The following C8orf74 variants were observed in gnomAD, a reference collection of about 807,000 sequenced individuals.
C8orf74 encodes the protein chromosome 8 open reading frame 74.
A neutral mutation model predicts 22.2 loss-of-function variants in C8orf74; 29 were observed. The observed-to-expected ratio is 1.31, with a 90% CI of 0.97 to 1.78. The LOEUF (loss-of-function observed/expected upper bound fraction) is 1.78, where lower values mean the gene tolerates loss of function less well. C8orf74 is among the 40% of genes most tolerant of loss of function. C8orf74 has a pLI of 0.00. For missense variants in C8orf74, 515 were observed against 369.9 expected (o/e 1.39, Z -3.22); for synonymous variants, 255 against 163.1 (o/e 1.56, Z -4.30).
At chr8:10,675,780 T>A (rs1184882084) in intron 2 of C8orf74, 3 of 152,206 alleles carry the variant, frequency 2.0e-5, no homozygotes, top group African/African-American at 7.2e-5. Flanking sequence ...AGTAGGACCA[T>A]GGCTCAAAGT....
rs534946694 is a variant in C8orf74, at chr8:10,674,671, G to A, written c.74G>A (p.Arg25Gln). The stretch of plus-strand genomic sequence containing the variant: ...AGACCACAAGGTCGGGAGCGCCTGC[G>A]GAGGCTTCTGAACTGGGAGGAGTTT... The part of the protein sequence containing the change: ...LQRPQGRERL[R>Q]RLLNWEEFDE... The change falls in exon 2 of 4, where the codon CGG (arginine) becomes CAG (glutamine). Residue 25 changes from arginine to glutamine, a missense_variant. Transcript: ENST00000304519. 26 of 1,609,674 alleles carry A rather than the reference G, an allele frequency of 1.6e-5. No individual in the cohort carries two copies. The highest frequency in any genetic ancestry group is 2.2e-5 in the South Asian group (2 of 89,936).
At chr8:10,676,650 G>C (rs1032162181) in intron 2 of C8orf74, among the ~76,000 whole-genome samples, 1 of 152,150 alleles carries the variant, frequency 6.6e-6, no homozygotes, top group African/African-American at 2.4e-5. Context: ...CTAAAGGCTA[G>C]AGCGAGACAT....
chr8:10,681,169 G>T (rs1365847224), intron 2 of C8orf74, among the ~76,000 whole-genome samples: 1 of 152,054 alleles, frequency 6.6e-6, no homozygotes, highest in Non-Finnish European at 1.5e-5. Flanking sequence ...CTTGGCGCAG[G>T]GAGGGAAGGT....
At position 10,698,626 on chromosome 8, in the gene C8orf74, C is replaced by A. The variant is rs934258809; in HGVS notation, c.648+621C>A. ...ACCAGCTCTTCAATGACCATGACGA[C>A]CCCAGCCTCAGGGTAGCTGACTTCT... On this transcript the variant is annotated intron_variant, in intron 3 of 3. Transcript: ENST00000304519. 2.6e-4 allele frequency among the ~76,000 whole-genome samples: 40 copies of A among 152,122 alleles called. 1 individual carries two copies. The highest frequency in any genetic ancestry group is 3.9e-4 in the East Asian group (2 of 5,190).
chr8:10,696,395 C>T (rs1330449950), intron 2 of C8orf74, among the ~76,000 whole-genome samples: 2 of 151,686 alleles, frequency 1.3e-5, no homozygotes, highest in Non-Finnish European at 2.9e-5. Flanking sequence ...ATCAATCAAT[C>T]ACTGCCTGCT....
Position 10,697,917 on chromosome 8 carries a change from A to C in C8orf74, c.560A>C (p.Glu187Ala). The C allele has an allele frequency of 6.2e-6, 10 of 1,602,250 alleles. No homozygotes were observed. The highest frequency in any genetic ancestry group is 8.5e-6 in the Non-Finnish European group (10 of 1,174,370). The change falls in exon 3 of 4, where the codon GAG becomes GCG. Residue 187 changes from glutamate to alanine, a missense_variant. Transcript: ENST00000304519. ...QKRADVLLLKEALRLERENSL... is the reference protein window; with the variant it reads ...QKRADVLLLKAALRLERENSL... ...CGCGCCGACGTGCTGCTCCTGAAAG[A>C]GGCGCTGCGCCTGGAGCGGGAGAAC...
Position 10,700,523 on chromosome 8 carries a change from T to A in C8orf74, c.*52T>A. The A allele has an allele frequency of 1.6e-6, 2 of 1,228,774 alleles. No homozygotes were observed. The highest frequency in any genetic ancestry group is 2.2e-6 in the Non-Finnish European group (2 of 888,940). The allele number at this position is 1,228,774 out of a possible 1,614,324, so 76.1% of individuals were successfully genotyped here. On this transcript the variant is annotated 3_prime_UTR_variant, in exon 4 of 4. Transcript: ENST00000304519. ...ACTGGGGACCAGCCACCCATAACCA[T>A]GAGCCTTGCGGCACGGTGAGCTCAG...
At chr8:10,689,253 G>A (rs770394172) in intron 2 of C8orf74, 4 of 152,230 alleles carry the variant, frequency 2.6e-5, no homozygotes, top group Non-Finnish European at 4.4e-5. Context: ...GTTAGCTTTA[G>A]GCAAGTCTCA....
At chr8:10,693,953 G>C (rs901444388) in intron 2 of C8orf74, among the ~76,000 whole-genome samples, 1 of 152,146 alleles carries the variant, frequency 6.6e-6, no homozygotes, top group Non-Finnish European at 1.5e-5. Flanking sequence ...AGGTGCCAAC[G>C]ACAACAAGCC....
rs1799552549 is a variant in C8orf74 at position 10,697,647 on chromosome 8, A to C, written c.290A>C (p.Asp97Ala). The C allele has an allele frequency of 1.2e-6, 2 of 1,613,646 alleles. 1 individual carries two copies. The highest frequency in any genetic ancestry group is 2.2e-5 in the South Asian group (2 of 91,058). The stretch of plus-strand genomic sequence containing the variant: ...ACGATCCTGGGGAACAAGCTTAGAG[A>C]TTACCGGGGCCATTTCAACACCACC... ...AVTILGNKLRDYRGHFNTTHL... is the reference protein window; with the variant it reads ...AVTILGNKLRAYRGHFNTTHL... Residue 97 changes from aspartate to alanine, a missense_variant, in exon 3 of 4, where the codon GAT becomes GCT. Coordinates refer to ENST00000304519, the MANE Select transcript of C8orf74 (RefSeq NM_001040032.2).
intron 2 of C8orf74, among the ~76,000 whole-genome samples, chr8:10,690,163 C>A (rs1799344519): frequency 6.6e-6 from 1 of 152,160 alleles, no homozygotes; most frequent in Non-Finnish European, 1.5e-5. Flanking sequence ...GTCTGAATAC[C>A]ACCTGAGGGG....
In C8orf74 at chr8:10,697,935, G is replaced by T. The variant is rs753375359; in HGVS notation, c.578G>T (p.Arg193Leu). ...CTGAAAGAGGCGCTGCGCCTGGAGC[G>T]GGAGAACTCGCTGCAGAAGGCGTTC... Reference protein sequence around the residue: ...LLLKEALRLERENSLQKAFAA... With the variant: ...LLLKEALRLELENSLQKAFAA... The change falls in exon 3 of 4, where the codon CGG becomes CTG. Residue 193 changes from arginine to leucine, a missense_variant. By Grantham distance (102) the Arg-to-Leu change is moderately radical. Coordinates refer to ENST00000304519, the MANE Select transcript of C8orf74 (RefSeq NM_001040032.2). 2.5e-6 allele frequency: 4 copies of T among 1,584,046 alleles called. No individual in the cohort carries two copies. The highest frequency in any genetic ancestry group is 1.7e-6 in the Non-Finnish European group (2 of 1,165,790).
rs184334940 is a variant in C8orf74 at position 10,697,696 on chromosome 8, C to T, written c.339C>T (p.Tyr113=). The T allele has an allele frequency of 1.6e-4, 264 of 1,614,052 alleles. 1 individual carries two copies. The African/African-American group carries it at 3.3e-3, about 20-fold the overall frequency. The change falls in exon 3 of 4, where the codon TAC becomes TAT. Residue 113 remains tyrosine, a synonymous_variant. Transcript: ENST00000304519. ...NTTHLLALCD[Y]FHHTFIRHYK... ...CCCACCTGCTGGCCCTCTGTGACTA[C>T]TTCCACCACACCTTCATCCGCCACT...
intron 2 of C8orf74, among the ~76,000 whole-genome samples, chr8:10,682,160 CCT>C (rs1293096073): frequency 6.6e-6 from 1 of 152,144 alleles, no homozygotes; most frequent in Non-Finnish European, 1.5e-5. Context: ...TCCAAGGACC[CCT>C]CCTTCCCAAC....
At chr8:10,681,506 G>A (rs1456744496) in intron 2 of C8orf74, among the ~76,000 whole-genome samples, 1 of 152,118 alleles carries the variant, frequency 6.6e-6, no homozygotes, top group African/African-American at 2.4e-5. Flanking sequence ...GAGCCGCAGA[G>A]ATTTAGGGTG....
At chr8:10,687,771 A>G (rs908948903) in intron 2 of C8orf74, among the ~76,000 whole-genome samples, 10 of 152,170 alleles carry the variant, frequency 6.6e-5, no homozygotes, top group African/African-American at 2.2e-4. Flanking sequence ...TTTCAGGGTC[A>G]CCATCTTCTT....
intron 2 of C8orf74, among the ~76,000 whole-genome samples, chr8:10,696,841 GT>G (rs570841425): frequency 3.2e-4 from 49 of 151,096 alleles, no homozygotes; most frequent in Admixed American, 1.3e-3. Flanking sequence ...CACAGCGAAA[GT>G]AACTCTTTAA....
chr8:10,681,846 G>A (rs1300982832), intron 2 of C8orf74, among the ~76,000 whole-genome samples: 1 of 152,224 alleles, frequency 6.6e-6, no homozygotes, highest in African/African-American at 2.4e-5. Flanking sequence ...GTGAGTGCCT[G>A]GTGAAGAGCG....
chr8:10,695,603 T>C (rs1799474409), intron 2 of C8orf74, among the ~76,000 whole-genome samples: 1 of 152,046 alleles, frequency 6.6e-6, no homozygotes, highest in Non-Finnish European at 1.5e-5. Context: ...AATATTTCCA[T>C]ACAGAGCAAG....
Sources: gnomAD v4.1 joint callset for allele counts (sites outside exome capture counted in the v4.1 genomes callset) on GRCh38, gnomAD v4.1.1 for gene constraint, MANE v1.5 for transcripts, NCBI Gene and HGNC (gene_info 2026-07-23, HGNC 2026-07-21) for gene names.